Variants in TRANK1 observed in about 807,000 individuals in gnomAD.
TRANK1 encodes TPR and ankyrin repeat-containing protein 1.
In TRANK1, 198 loss-of-function variants were observed where a neutral mutation model predicts 266.0. That is an observed-to-expected ratio of 0.74 (90% confidence interval 0.66 to 0.84). TRANK1 has a LOEUF of 0.84. TRANK1 is among the 40% of genes least tolerant of loss of function. The pLI is 0.00. For missense variants in TRANK1, 3,326 were observed against 3,634.6 expected (o/e 0.92, Z 2.18); for synonymous variants, 1,396 against 1,384.1 (o/e 1.01, Z -0.19).
upstream of TRANK1, chr3:36,945,246 A>G: frequency 5.9e-6 from 1 of 170,614 alleles, no homozygotes; most frequent in Non-Finnish European, 1.2e-5. Flanking sequence ...CTAGGCGCAC[A>G]ACCACCTCCG....
At chr3:36,868,227 A>G (rs751435790) in intron 9 of TRANK1, among the ~76,000 whole-genome samples, 1 of 152,230 alleles carries the variant, frequency 6.6e-6, no homozygotes, top group Non-Finnish European at 1.5e-5. Flanking sequence ...TTTATTTAGA[A>G]GTCTGGTGAT....
Position 36,831,047 on chromosome 3 carries a change from C to A in TRANK1, c.8536G>T (p.Asp2846Tyr). ...AGCTTGCCTTCATCAATGGCCGGGT[C>A]CACCTTCTCGTGGAAAAATTCTGAG... ...KYSEFFHEKVDPAIDEGKLVV... is the reference protein window; with the variant it reads ...KYSEFFHEKVYPAIDEGKLVV... Residue 2846 changes from aspartate (D) to tyrosine (Y), a missense_variant, in exon 22 of 24, where the codon GAC becomes TAC. Transcript: ENST00000645898. This position sits in a 1 kb window ranked among gnomAD's most constrained non-coding sequence, Gnocchi z 5.0. The A allele has an allele frequency of 6.2e-7, 1 of 1,613,992 alleles. No individual in the cohort carries two copies. The highest frequency in any genetic ancestry group is 1.7e-5 in the Admixed American group (1 of 60,026).
In TRANK1 at chr3:36,945,019, C is replaced by T; in HGVS notation, c.-210G>A. On this transcript the variant is annotated 5_prime_UTR_variant, in exon 1 of 24. Transcript: ENST00000645898. Reference sequence around the variant, plus strand: ...GAGGGGGCGGGGGACGCAGGAACCCCGGCGTCCGGGCGGTGTGCAGCCGCA... The same window carrying T: ...GAGGGGGCGGGGGACGCAGGAACCCTGGCGTCCGGGCGGTGTGCAGCCGCA... 2.1e-6 allele frequency: 1 copy of T among 476,146 alleles called. No homozygotes were observed. Among genetic ancestry groups the T allele is most frequent in the Non-Finnish European group, 3.6e-6 (1 of 274,508 alleles). The allele number at this position is 476,146 out of a possible 1,614,324, so 29.5% of individuals were successfully genotyped here.
intron 12 of TRANK1, among the ~76,000 whole-genome samples, chr3:36,858,348 T>C (rs1575213890): frequency 6.6e-6 from 1 of 152,298 alleles, no homozygotes; most frequent in Middle Eastern, 3.4e-3. Context: ...AACAGTGCCT[T>C]ACAACAAAGA....
intron 2 of TRANK1, among the ~76,000 whole-genome samples, chr3:36,905,030 C>T (rs1026544707): frequency 2.0e-5 from 3 of 152,040 alleles, no homozygotes; most frequent in Non-Finnish European, 4.4e-5. Flanking sequence ...TGGCTCATGC[C>T]TGTAATCCCA....
At position 36,856,814 on chromosome 3, in the gene TRANK1, G is replaced by A; in HGVS notation, c.2908C>T (p.Leu970=). The A allele has an allele frequency of 1.2e-6, 2 of 1,614,012 alleles. No homozygotes were observed. Among genetic ancestry groups the A allele is most frequent in the African/African-American group, 1.3e-5 (1 of 75,044 alleles). The change falls in exon 13 of 24, where the codon CTG becomes TTG. Residue 970 remains leucine, a synonymous_variant. Coordinates refer to ENST00000645898, the MANE Select transcript of TRANK1 (RefSeq NM_001329998.2). ...NAYNRGLSCV[L]RKKLKGINKG... ...TTGATACCTTTCAGCTTCTTCCGCA[G>A]GACACAGGACAAGCCCCGGTTGTAG...
At chr3:36,875,310 A>C (rs1188814727) in intron 8 of TRANK1, among the ~76,000 whole-genome samples, 1 of 152,270 alleles carries the variant, frequency 6.6e-6, no homozygotes, top group Non-Finnish European at 1.5e-5. Flanking sequence ...TTGATGCACA[A>C]GAAATTCTCC....
chr3:36,837,968 G>A (rs1162109903), intron 20 of TRANK1, among the ~76,000 whole-genome samples: 1 of 152,172 alleles, frequency 6.6e-6, no homozygotes, highest in Non-Finnish European at 1.5e-5. Context: ...GATCTAGAGT[G>A]ATTACTAGGA....
At chr3:36,877,436 A>C (rs2079405878) in intron 8 of TRANK1, among the ~76,000 whole-genome samples, 1 of 152,184 alleles carries the variant, frequency 6.6e-6, no homozygotes, top group Non-Finnish European at 1.5e-5. Flanking sequence ...AGTTCCTTCA[A>C]ACAAGAAATT....
chr3:36,931,497 G>A (rs1217898486), intron 1 of TRANK1, among the ~76,000 whole-genome samples: 2 of 152,064 alleles, frequency 1.3e-5, no homozygotes, highest in Non-Finnish European at 2.9e-5. Flanking sequence ...TTGAGCCCAG[G>A]AGTTCCAGAC....
intron 1 of TRANK1, among the ~76,000 whole-genome samples, chr3:36,929,635 T>C (rs1164134638): frequency 6.6e-6 from 1 of 152,194 alleles, no homozygotes; most frequent in Non-Finnish European, 1.5e-5. Flanking sequence ...CTTCACCCCA[T>C]GTGGCAGGCC....
chr3:36,864,386 T>C lies in TRANK1; in HGVS notation c.1173A>G (p.Leu391=). Reference sequence around the variant, plus strand: ...CCTGCTTCAGAAAGTTTTTATGCAATAACCGGTTTCCTGAGTTCATATACT... The same window carrying C: ...CCTGCTTCAGAAAGTTTTTATGCAACAACCGGTTTCCTGAGTTCATATACT... The part of the protein sequence containing the change: ...LVKYMNSGNR[L]LHKNFLKQEV... The change falls in exon 10 of 24, where the codon TTA becomes TTG. Residue 391 remains leucine (L), a synonymous_variant. Transcript: ENST00000645898. 6.5e-7 allele frequency: 1 copy of C among 1,537,066 alleles called. No homozygotes were observed. Among genetic ancestry groups the C allele is most frequent in the South Asian group, 1.2e-5 (1 of 84,046 alleles).
chr3:36,837,276 C>G (rs2078783145), intron 20 of TRANK1, among the ~76,000 whole-genome samples: 1 of 152,190 alleles, frequency 6.6e-6, no homozygotes, highest in Admixed American at 6.5e-5. Context: ...ATCCCTGTTC[C>G]ATTCCCTTCT....
rs932385904 is a variant in TRANK1, at chr3:36,845,984, C to T, written c.5191+264G>A. On this transcript the variant is annotated intron_variant, in intron 17 of 23. Transcript: ENST00000645898. Reference sequence around the variant, plus strand: ...AGCACTTTGTATTCTCCCAAAAGGGCCTATTTCCTCTAGCCCTGTCCATAA... The same window carrying T: ...AGCACTTTGTATTCTCCCAAAAGGGTCTATTTCCTCTAGCCCTGTCCATAA... Among the ~76,000 whole-genome samples the T allele has an allele frequency of 5.3e-5, 8 of 152,246 alleles. No individual in the cohort carries two copies. The South Asian group carries it at 1.7e-3, about 32-fold the overall frequency.
At chr3:36,931,555 A>C (rs1256312099) in intron 1 of TRANK1, among the ~76,000 whole-genome samples, 2 of 152,008 alleles carry the variant, frequency 1.3e-5, no homozygotes, top group African/African-American at 4.8e-5. Context: ...AAATGCAAAA[A>C]TTAGCTGGGC....
rs192690231 is a variant in TRANK1, at chr3:36,884,888, G to A, written c.907+4941C>T. Among the ~76,000 whole-genome samples, 602 of 149,816 alleles carry A rather than the reference G, an allele frequency of 4.0e-3. 3 individuals carry two copies. Among genetic ancestry groups the A allele is most frequent in the Non-Finnish European group, 6.5e-3 (441 of 67,716 alleles). Reference sequence around the variant, plus strand: ...GCGGAGGCTGCAGTGAGCTGAGATCGCGCCACTGCACTCCAGCCTGGAGAC... The same window carrying A: ...GCGGAGGCTGCAGTGAGCTGAGATCACGCCACTGCACTCCAGCCTGGAGAC... On this transcript the variant is annotated intron_variant, in intron 8 of 23. Coordinates refer to ENST00000645898, the MANE Select transcript of TRANK1 (RefSeq NM_001329998.2).
chr3:36,848,439 A>G (rs1306087843), intron 15 of TRANK1, among the ~76,000 whole-genome samples: 4 of 152,224 alleles, frequency 2.6e-5, no homozygotes, highest in Admixed American at 1.3e-4. Flanking sequence ...AAGAAACTTC[A>G]TATTTCATAC....
Position 36,832,206 on chromosome 3 carries a change from C to A in TRANK1, c.7377G>T (p.Gln2459His). Residue 2459 changes from glutamine (Q) to histidine (H), a missense_variant, in exon 22 of 24, where the codon CAG becomes CAT. By Grantham distance (24) the Gln-to-His change is conservative. Coordinates refer to ENST00000645898, the MANE Select transcript of TRANK1 (RefSeq NM_001329998.2). ...IGNTVALLEF[Q>H]FIHCGVVLAR... is the part of the protein sequence containing the mutation. ...CCAGCACCACCCCACAGTGGATGAA[C>A]TGGAACTCCAGGAGGGCTACTGTGT... is the stretch of plus-strand genomic sequence containing the variant. 1 of 1,613,990 alleles carries A rather than the reference C, an allele frequency of 6.2e-7. No individual in the cohort carries two copies. The highest frequency in any genetic ancestry group is 8.5e-7 in the Non-Finnish European group (1 of 1,179,876).
intron 8 of TRANK1, among the ~76,000 whole-genome samples, chr3:36,876,910 G>A (rs73068042): frequency 0.046 from 7,047 of 152,210 alleles, 256 homozygotes; most frequent in Non-Finnish European, 0.066. Flanking sequence ...ATCTAGACGG[G>A]TTCTGCTGCT....
Sources: allele counts gnomAD v4.1 joint callset (sites outside exome capture counted in the v4.1 genomes callset), GRCh38; gene constraint gnomAD v4.1.1; non-coding constraint Gnocchi (gnomAD v3.1); transcripts MANE v1.5; gene names NCBI Gene and HGNC (gene_info 2026-07-23, HGNC 2026-07-21).